Variants in LHPP observed in about 807,000 individuals in gnomAD.
LHPP encodes the protein hLHPP.
Under a neutral mutation model 30.3 loss-of-function variants are expected in LHPP, and 24 were observed. That is an observed-to-expected ratio of 0.79 (90% CI 0.57 to 1.11). The LOEUF is 1.11. Ranked by LOEUF, LHPP falls within the 50% of genes most tolerant of loss-of-function variation. The pLI is 0.00. For missense variants in LHPP, 356 were observed against 367.2 expected (o/e 0.97, Z 0.25); for synonymous variants, 150 against 157.1 (o/e 0.95, Z 0.34).
rs1327255000 is a variant in LHPP, at chr10:124,593,507, C to T, written c.717-19757C>T. On this transcript the variant is annotated intron_variant, in intron 6 of 6. Transcript: ENST00000368842. This position sits in a 1 kb window ranked among gnomAD's most constrained non-coding sequence, Gnocchi z 4.9. ...TCCAGCATTAGAGTCACACTGGGGT[C>T]CTTGTTCTAGCCCCCGTGTGTTGGC... Among the ~76,000 whole-genome samples, 1 of 152,196 alleles carries T rather than the reference C, an allele frequency of 6.6e-6. No homozygotes were observed. Among genetic ancestry groups the T allele is most frequent in the Non-Finnish European group, 1.5e-5 (1 of 68,022 alleles).
intron 6 of LHPP, among the ~76,000 whole-genome samples, chr10:124,571,638 C>T (rs2133981064): frequency 6.6e-6 from 1 of 152,300 alleles, no homozygotes; most frequent in South Asian, 2.1e-4. Context: ...TAATGCAGTC[C>T]AGTTCATTTA....
intron 6 of LHPP, among the ~76,000 whole-genome samples, chr10:124,588,893 A>T (rs1948841449): frequency 6.6e-6 from 1 of 152,060 alleles, no homozygotes; most frequent in Non-Finnish European, 1.5e-5. Context: ...GTGCCCTGGG[A>T]ATGAGGAAGG....
At chr10:124,598,540 G>T (rs1355171012) in intron 6 of LHPP, among the ~76,000 whole-genome samples, 1 of 152,168 alleles carries the variant, frequency 6.6e-6, no homozygotes, top group African/African-American at 2.4e-5. Context: ...CCTGAGGTGG[G>T]GCCTGCTCTC....
At chr10:124,471,904 G>A (rs1050632574) in intron 1 of LHPP, among the ~76,000 whole-genome samples, 1 of 150,430 alleles carries the variant, frequency 6.6e-6, no homozygotes, top group South Asian at 2.1e-4. Context: ...CAGTAGCTGG[G>A]ATTATAGGTG....
At chr10:124,522,724 C>CCT (rs75143084) in intron 6 of LHPP, among the ~76,000 whole-genome samples, 1 of 73,818 alleles carries the variant, frequency 1.4e-5, no homozygotes. Context: ...GCTGCCCACG[C>CCT]CCCCCCCCAA....
At chr10:124,556,100 A>G in intron 6 of LHPP, among the ~76,000 whole-genome samples, 1 of 151,816 alleles carries the variant, frequency 6.6e-6, no homozygotes, top group East Asian at 1.9e-4. Flanking sequence ...AGGCCCCTAA[A>G]CTTGTGTCTG....
chr10:124,551,716 C>A (rs1948171344), intron 6 of LHPP, among the ~76,000 whole-genome samples: 1 of 152,152 alleles, frequency 6.6e-6, no homozygotes, highest in Non-Finnish European at 1.5e-5. Flanking sequence ...CTTGGCCGGC[C>A]CCCCGGGAAG....
intron 6 of LHPP, among the ~76,000 whole-genome samples, chr10:124,536,595 TC>T (rs995158444): frequency 6.6e-6 from 1 of 152,000 alleles, no homozygotes; most frequent in African/African-American, 2.4e-5. Context: ...GAGAAGAACC[TC>T]CCTGAGGGCT....
intron 3 of LHPP, among the ~76,000 whole-genome samples, chr10:124,489,669 G>T (rs1953458757): frequency 6.6e-6 from 1 of 152,120 alleles, no homozygotes; most frequent in Admixed American, 6.5e-5. Flanking sequence ...GGCCAGGATG[G>T]TCTCAATCTC....
At chr10:124,547,858 A>G (rs928049160) in intron 6 of LHPP, among the ~76,000 whole-genome samples, 2 of 152,220 alleles carry the variant, frequency 1.3e-5, no homozygotes, top group African/African-American at 4.8e-5. Context: ...ATATTGCATA[A>G]TCTCAGATGC....
At chr10:124,501,701 T>C (rs1472436976) in intron 5 of LHPP, among the ~76,000 whole-genome samples, 1 of 151,824 alleles carries the variant, frequency 6.6e-6, no homozygotes, top group Non-Finnish European at 1.5e-5. Flanking sequence ...TTGAATACTC[T>C]GGTCACGGTC....
intron 2 of LHPP, 30 bp from the exon 3 acceptor site, chr10:124,488,392 G>A (rs371410688): frequency 1.4e-5 from 23 of 1,611,924 alleles, no homozygotes; most frequent in African/African-American, 2.7e-5. Context: ...CCAGGGCTCC[G>A]TGGCACTCTG....
intron 5 of LHPP, among the ~76,000 whole-genome samples, chr10:124,511,582 C>G (rs574810678): frequency 2.0e-5 from 3 of 152,294 alleles, no homozygotes; most frequent in Admixed American, 6.5e-5. Context: ...TCAGCACCAC[C>G]ATCCGCCGTG....
At chr10:124,516,595 A>C (rs2133909689) in intron 5 of LHPP, among the ~76,000 whole-genome samples, 1 of 152,202 alleles carries the variant, frequency 6.6e-6, no homozygotes, top group East Asian at 1.9e-4. Context: ...TTGGTTCATA[A>C]TTTGGTTTTC....
At chr10:124,539,252 G>C (rs1955114256) in intron 6 of LHPP, among the ~76,000 whole-genome samples, 1 of 152,288 alleles carries the variant, frequency 6.6e-6, no homozygotes, top group African/African-American at 2.4e-5. Flanking sequence ...TTTAAGATGA[G>C]CACAGCTCCG....
Position 124,488,465 on chromosome 10 carries a change from CTG to C in LHPP, c.362_363del (p.Val121GlyfsTer16), listed in dbSNP as rs759496330. Reference protein sequence around the residue: ...FDQIDTSNPNCVVIADAGESF... With the variant: ...FDQIDTSNPNXVVIADAGESF... ...ATCAGATCGACACATCCAACCCAAA[CTG>C]TGTGGTAATTGCAGACGCAGGAGAA... is the stretch of plus-strand genomic sequence containing the variant. On this transcript the variant is annotated frameshift_variant, in exon 3 of 7. Coordinates refer to ENST00000368842, the MANE Select transcript of LHPP (RefSeq NM_022126.4). LOFTEE classifies it high-confidence loss of function. 1 of 1,614,072 alleles carries C rather than the reference CTG, an allele frequency of 6.2e-7. No individual in the cohort carries two copies. Among genetic ancestry groups the C allele is most frequent in the Admixed American group, 1.7e-5 (1 of 60,004 alleles).
Position 124,613,376 on chromosome 10 carries a change from G to A in LHPP, c.*16G>A. 1 of 1,585,806 alleles carries A rather than the reference G, an allele frequency of 6.3e-7. No homozygotes were observed. Among genetic ancestry groups the A allele is most frequent in the Non-Finnish European group, 8.6e-7 (1 of 1,158,188 alleles). On this transcript the variant is annotated 3_prime_UTR_variant, in exon 7 of 7. Coordinates refer to ENST00000368842, the MANE Select transcript of LHPP (RefSeq NM_022126.4). ...CGACAAGTGATGGCCTCCTGGGAGAGCCCCGCCTCCTCCACCCCTGCCTCT... is the reference window on the plus strand; with the variant it reads ...CGACAAGTGATGGCCTCCTGGGAGAACCCCGCCTCCTCCACCCCTGCCTCT...
chr10:124,590,705 G>A lies in LHPP; in HGVS notation c.717-22559G>A, dbSNP rs1261263569. ...AGCCCTTGCCAGAGGAGACACGGTG[G>A]GCACCAGCCCCAGCGCTGCCACCTG... On this transcript the variant is annotated intron_variant, in intron 6 of 6. Coordinates refer to ENST00000368842, the MANE Select transcript of LHPP (RefSeq NM_022126.4). The surrounding 1 kb of genome is among the most constrained non-coding windows in gnomAD (Gnocchi z 4.3). 6.6e-6 allele frequency among the ~76,000 whole-genome samples: 1 copy of A among 152,192 alleles called. No homozygotes were observed. Among genetic ancestry groups the A allele is most frequent in the East Asian group, 1.9e-4 (1 of 5,194 alleles).
intron 6 of LHPP, among the ~76,000 whole-genome samples, chr10:124,558,780 G>A (rs963944550): frequency 6.6e-6 from 1 of 152,240 alleles, no homozygotes; most frequent in Admixed American, 6.5e-5. Flanking sequence ...GTAGGACACA[G>A]ATGTCTCAGC....
Sources: allele counts gnomAD v4.1 joint callset (sites outside exome capture counted in the v4.1 genomes callset), GRCh38; gene constraint gnomAD v4.1.1; non-coding constraint Gnocchi (gnomAD v3.1); transcripts MANE v1.5; gene names NCBI Gene and HGNC (gene_info 2026-07-23, HGNC 2026-07-21).